C1orf50: variants seen among roughly 807,000 people sequenced by gnomAD.
The protein encoded by C1orf50 is chromosome 1 open reading frame 50, also known as uncharacterized protein C1orf50.
Under a neutral mutation model 23.3 loss-of-function variants are expected in C1orf50, and 22 were observed. That is an observed-to-expected ratio of 0.94 (90% CI 0.67 to 1.35). The LOEUF is 1.35. Among genes scored for constraint, C1orf50 ranks in the 40% most tolerant of loss-of-function variants. The pLI, the probability that C1orf50 is intolerant of heterozygous loss-of-function variation, is 0.00. For synonymous variants in C1orf50, 96 were observed against 102.4 expected (o/e 0.94, Z 0.38); for missense variants, 271 against 249.4 (o/e 1.09, Z -0.58).
rs72956967 is a variant in C1orf50, at chr1:42,775,175, C to T, written c.415-34C>T. 1,523 of 1,562,714 alleles carry T rather than the reference C, an allele frequency of 9.7e-4. 22 individuals are homozygous for T. In the African/African-American group the frequency reaches 0.019, roughly 19 times the overall value. On this transcript the variant is annotated intron_variant, in intron 4 of 4. Coordinates refer to ENST00000372525, the MANE Select transcript of C1orf50 (RefSeq NM_024097.4). ...ATGAGCTCAGTTTGTTTACAACCCA[C>T]GCTGATGGGAACTGCCTCCTTTGCC...
chr1:42,774,133 G>A (rs1192227272), intron 3 of C1orf50, among the ~76,000 whole-genome samples: 1 of 152,130 alleles, frequency 6.6e-6, no homozygotes, highest in Non-Finnish European at 1.5e-5. Context: ...CATTTAACAG[G>A]GGATTATGTT....
Position 42,775,466 on chromosome 1 carries a change from A to G in C1orf50, c.*72A>G. On this transcript the variant is annotated 3_prime_UTR_variant, in exon 5 of 5. Transcript: ENST00000372525. ...CCTTGTTGCCCCCACTGTTGCCTTG[A>G]GAATTGAAGACATGTAGGTGACTCA... is the stretch of plus-strand genomic sequence containing the variant. 7.2e-7 allele frequency: 1 copy of G among 1,384,728 alleles called. No homozygotes were observed. The highest frequency in any genetic ancestry group is 9.8e-7 in the Non-Finnish European group (1 of 1,016,516). 85.8% of individuals were successfully genotyped at this position (1,384,728 alleles called of 1,614,324 possible).
At position 42,775,551 on chromosome 1, in the gene C1orf50, G is replaced by A; in HGVS notation, c.*157G>A. 1 of 597,952 alleles carries A rather than the reference G, an allele frequency of 1.7e-6. No individual in the cohort carries two copies. Among genetic ancestry groups the A allele is most frequent in the Non-Finnish European group, 2.8e-6 (1 of 356,676 alleles). The allele number at this position is 597,952 out of a possible 1,614,324, so 37.0% of individuals were successfully genotyped here. A position where few individuals can be genotyped will look rare whatever the true frequency, so the allele number is the denominator to read the frequency against. On this transcript the variant is annotated 3_prime_UTR_variant, in exon 5 of 5. Coordinates refer to ENST00000372525, the MANE Select transcript of C1orf50 (RefSeq NM_024097.4). ...AATGCTGTCATTATGACTTTTAATT[G>A]GGATGGGAATAATCATTGAGACAGA...
rs761659573 is a variant in C1orf50, at chr1:42,767,585, C to T, written c.156C>T (p.Asp52=). Reference sequence around the variant, plus strand: ...CCTACCACACCCACCGGGCCGGGGACCCCTTAGACCTCGTGGCGCTCGCAG... The same window carrying T: ...CCTACCACACCCACCGGGCCGGGGATCCCTTAGACCTCGTGGCGCTCGCAG... The part of the protein sequence containing the change: ...VSPYHTHRAG[D]PLDLVALAEQ... Residue 52 remains aspartate (D), a synonymous_variant, in exon 2 of 5, where the codon GAC becomes GAT. Coordinates refer to ENST00000372525, the MANE Select transcript of C1orf50 (RefSeq NM_024097.4). 4.3e-6 allele frequency: 7 copies of T among 1,611,830 alleles called. No individual in the cohort carries two copies. Among genetic ancestry groups the T allele is most frequent in the African/African-American group, 2.7e-5 (2 of 74,932 alleles).
Position 42,767,513 on chromosome 1 carries a change from C to T in C1orf50, c.84C>T (p.Ala28=), listed in dbSNP as rs775829981. The T allele has an allele frequency of 1.9e-6, 3 of 1,573,406 alleles. No homozygotes were observed. Among genetic ancestry groups the T allele is most frequent in the Non-Finnish European group, 2.6e-6 (3 of 1,159,828 alleles). Reference sequence around the variant, plus strand: ...GTTCCTGGGTGTGTGTCGCAGGAGCCCTGGTGGAGCTCACCCCGACCCCCG... The same window carrying T: ...GTTCCTGGGTGTGTGTCGCAGGAGCTCTGGTGGAGCTCACCCCGACCCCCG... ...GAPPAAGQGG[A]LVELTPTPGG... The change falls in exon 2 of 5, where the codon GCC becomes GCT. Residue 28 remains alanine (A), a synonymous_variant. Coordinates refer to ENST00000372525, the MANE Select transcript of C1orf50 (RefSeq NM_024097.4).
At chr1:42,768,344 A>C (rs1004845865) in intron 2 of C1orf50, among the ~76,000 whole-genome samples, 39 of 152,308 alleles carry the variant, frequency 2.6e-4, no homozygotes, top group African/African-American at 9.4e-4. Context: ...ATTCCTTCTT[A>C]TCTCTTATCA....
chr1:42,769,305 G>A (rs1412535397), intron 2 of C1orf50, among the ~76,000 whole-genome samples: 2 of 152,152 alleles, frequency 1.3e-5, no homozygotes, highest in Non-Finnish European at 2.9e-5. Flanking sequence ...TAGCACTTTG[G>A]GAGGCTAAGG....
intron 2 of C1orf50, among the ~76,000 whole-genome samples, chr1:42,769,144 A>G (rs1653162639): frequency 6.6e-6 from 1 of 152,104 alleles, no homozygotes; most frequent in African/African-American, 2.4e-5. Context: ...GCTACTCGGG[A>G]GGCTGAGGCA....
rs1425949800 is a variant in C1orf50, at chr1:42,775,231, A to G, written c.437A>G (p.His146Arg). Reference sequence around the variant, plus strand: ...TAGGAATGGGGGACAAGTTGTCCACATGACTTCCTTGGTGCCTACAAACTA... The same window carrying G: ...TAGGAATGGGGGACAAGTTGTCCACGTGACTTCCTTGGTGCCTACAAACTA... Reference protein sequence around the residue: ...SPKEWGTSCPHDFLGAYKLQH... With the variant: ...SPKEWGTSCPRDFLGAYKLQH... The change falls in exon 5 of 5, where the codon CAT becomes CGT. Residue 146 changes from histidine (H) to arginine (R), a missense_variant. Coordinates refer to ENST00000372525, the MANE Select transcript of C1orf50 (RefSeq NM_024097.4). The G allele has an allele frequency of 2.5e-6, 4 of 1,596,344 alleles. No individual in the cohort carries two copies. The highest frequency in any genetic ancestry group is 3.4e-6 in the Non-Finnish European group (4 of 1,165,108).
intron 2 of C1orf50, among the ~76,000 whole-genome samples, chr1:42,770,630 C>T (rs909670653): frequency 6.6e-6 from 1 of 152,168 alleles, no homozygotes; most frequent in African/African-American, 2.4e-5. Flanking sequence ...CAGGGTTTCT[C>T]CATGTTGGTC....
At chr1:42,769,495 G>C (rs1033630832) in intron 2 of C1orf50, among the ~76,000 whole-genome samples, 1 of 151,484 alleles carries the variant, frequency 6.6e-6, no homozygotes, top group African/African-American at 2.4e-5. Context: ...GCAGTGAGCT[G>C]AGATCACACC....
rs1471746147 is a variant in C1orf50, at chr1:42,776,428, G to T, written c.*1034G>T. 1 of 152,030 alleles carries T rather than the reference G, an allele frequency of 6.6e-6. No individual in the cohort carries two copies. The highest frequency in any genetic ancestry group is 1.5e-5 in the Non-Finnish European group (1 of 68,000). The allele number at this position is 152,030 out of a possible 1,614,324, so 9.4% of individuals were successfully genotyped here. Reference sequence around the variant, plus strand: ...ATTAGCTAAGTTTATGGATTATTTCGCATGGCTATAATCTATTGCAATATG... The same window carrying T: ...ATTAGCTAAGTTTATGGATTATTTCTCATGGCTATAATCTATTGCAATATG... On this transcript the variant is annotated 3_prime_UTR_variant, in exon 5 of 5. Coordinates refer to ENST00000372525, the MANE Select transcript of C1orf50 (RefSeq NM_024097.4).
At position 42,770,475 on chromosome 1, in the gene C1orf50, C is replaced by G. The variant is rs112946154; in HGVS notation, c.195+2851C>G. Among the ~76,000 whole-genome samples the G allele has an allele frequency of 7.2e-3, 1,084 of 151,502 alleles. 8 individuals are homozygous for G. The highest frequency in any genetic ancestry group is 0.024 in the African/African-American group (991 of 41,266). Reference sequence around the variant, plus strand: ...GAGATGGAGTTTCGCTCTTGTTGCCCAGGCTGGAGTGCAATGGCGCCATCT... The same window carrying G: ...GAGATGGAGTTTCGCTCTTGTTGCCGAGGCTGGAGTGCAATGGCGCCATCT... On this transcript the variant is annotated intron_variant, in intron 2 of 4. Transcript: ENST00000372525.
intron 3 of C1orf50, among the ~76,000 whole-genome samples, chr1:42,774,358 G>C (rs1653286458): frequency 6.6e-6 from 1 of 151,960 alleles, no homozygotes; most frequent in Non-Finnish European, 1.5e-5. Context: ...CTCCCAAGTA[G>C]TTGGGAGTAC....
chr1:42,774,646 G>A, intron 3 of C1orf50, 91 bp from the exon 4 acceptor site: 1 of 1,444,880 alleles, frequency 6.9e-7, no homozygotes. Flanking sequence ...CCTAAGCACT[G>A]AATGGTTTCC....
chr1:42,774,703 A>C (rs760203178), intron 3 of C1orf50, 34 bp from the exon 4 acceptor site: 2 of 1,581,302 alleles, frequency 1.3e-6, no homozygotes, highest in Non-Finnish European at 1.7e-6. Context: ...TGTTATCTCC[A>C]ATACCTAATT....
At chr1:42,767,786 G>T (rs952211265) in intron 2 of C1orf50, among the ~76,000 whole-genome samples, 162 bp downstream of exon 2, 1 of 152,210 alleles carries the variant, frequency 6.6e-6, no homozygotes, top group Non-Finnish European at 1.5e-5. Flanking sequence ...TCGGTGGCCT[G>T]ATTCGAATGA....
At chr1:42,768,164 C>T (rs979735977) in intron 2 of C1orf50, among the ~76,000 whole-genome samples, 1 of 152,200 alleles carries the variant, frequency 6.6e-6, no homozygotes, top group Admixed American at 6.5e-5. Flanking sequence ...GGAAAAAACA[C>T]TGGAAGTTTG....
chr1:42,772,925 A>G (rs921346089), intron 2 of C1orf50, among the ~76,000 whole-genome samples: 4 of 152,254 alleles, frequency 2.6e-5, no homozygotes, highest in Admixed American at 1.3e-4. Flanking sequence ...AAATGCACAT[A>G]TAAGTTAACA....
Sources: gnomAD v4.1 joint callset for allele counts (sites outside exome capture counted in the v4.1 genomes callset) on GRCh38, gnomAD v4.1.1 for gene constraint, MANE v1.5 for transcripts, NCBI Gene and HGNC (gene_info 2026-07-23, HGNC 2026-07-21) for gene names.